Variants in SLC28A3 observed in about 807,000 individuals in gnomAD.
The protein encoded by SLC28A3 is solute carrier family 28 member 3.
In SLC28A3, 68 loss-of-function variants were observed where a neutral mutation model predicts 84.2. The ratio of observed to expected loss-of-function variants is 0.81; its 90% CI spans 0.66 to 0.99. The LOEUF (loss-of-function observed/expected upper bound fraction) is 0.99, where lower values mean the gene tolerates loss of function less well. SLC28A3 is among the 50% of genes least tolerant of loss of function. SLC28A3 has a pLI of 0.00. For missense variants in SLC28A3, 712 were observed against 841.5 expected (o/e 0.85, Z 1.90); for synonymous variants, 267 against 303.6 (o/e 0.88, Z 1.25).
chr9:84,363,003 C>T, the SLC28A3 span, among the ~76,000 whole-genome samples: 1 of 152,070 alleles, frequency 6.6e-6, no homozygotes, highest in African/African-American at 2.4e-5. Flanking sequence ...GTAATATGAA[C>T]ATGTTCGTGA....
chr9:84,348,440 G>T, the SLC28A3 span, among the ~76,000 whole-genome samples: 2 of 151,976 alleles, frequency 1.3e-5, no homozygotes, highest in Non-Finnish European at 2.9e-5. Flanking sequence ...CTGCAAGCTT[G>T]GGCTAGTTAC....
upstream of SLC28A3, among the ~76,000 whole-genome samples, chr9:84,343,231 C>T (rs1238872981): frequency 5.9e-5 from 9 of 152,082 alleles, no homozygotes; most frequent in East Asian, 1.9e-4. Flanking sequence ...AAATTGCCCC[C>T]GGGCACAGGG....
the SLC28A3 span, among the ~76,000 whole-genome samples, chr9:84,351,273 T>A: frequency 6.6e-6 from 1 of 152,218 alleles, no homozygotes; most frequent in Non-Finnish European, 1.5e-5. Context: ...CATTATAATC[T>A]TATGAGACTA....
intron 1 of SLC28A3, 146 bp downstream of exon 1, chr9:84,340,428 A>G (rs1827121149): frequency 1.2e-6 from 1 of 811,662 alleles, no homozygotes; most frequent in Non-Finnish European, 2.0e-6. Context: ...GAGCCCAAGA[A>G]GAAAAAATAA....
intron 1 of SLC28A3, among the ~76,000 whole-genome samples, chr9:84,339,678 C>A (rs1190572166): frequency 6.6e-6 from 1 of 152,204 alleles, no homozygotes; most frequent in Non-Finnish European, 1.5e-5. Context: ...TCCTCTCCTA[C>A]ACTTGTGACC....
chr9:84,359,084 CCTT>C, the SLC28A3 span, among the ~76,000 whole-genome samples: 1 of 152,040 alleles, frequency 6.6e-6, no homozygotes, highest in African/African-American at 2.4e-5. Context: ...AATGACAGCA[CCTT>C]CTGTTTCCAA....
At chr9:84,341,887 G>C (rs1347494955), upstream of SLC28A3, among the ~76,000 whole-genome samples, 2 of 152,120 alleles carry the variant, frequency 1.3e-5, 1 homozygote, top group Admixed American at 1.3e-4. Flanking sequence ...CCAGCACTTT[G>C]GGAGCCCAAG....
intron 1 of SLC28A3, among the ~76,000 whole-genome samples, chr9:84,339,103 A>G (rs1281397016): frequency 6.6e-6 from 1 of 151,762 alleles, no homozygotes; most frequent in Non-Finnish European, 1.5e-5. Context: ...CCCCCACTTT[A>G]TTGTCCCTAA....
Position 84,327,633 on chromosome 9 carries a change from C to A in SLC28A3, c.60+12941G>T, listed in dbSNP as rs1288944994. Among the ~76,000 whole-genome samples the A allele has an allele frequency of 2.0e-5, 3 of 152,018 alleles. No homozygotes were observed. The East Asian group carries it at 5.8e-4, about 29-fold the overall frequency. On this transcript the variant is annotated intron_variant, in intron 1 of 17. Coordinates refer to ENST00000376238, the MANE Select transcript of SLC28A3 (RefSeq NM_001199633.2). ...TCTATTTTGCATTTCCTTAGAAACT[C>A]CTCCCTGTCTTGGATGGGTGCGGTG...
At chr9:84,359,723 T>G in the SLC28A3 span, among the ~76,000 whole-genome samples, 1 of 151,954 alleles carries the variant, frequency 6.6e-6, no homozygotes, top group Non-Finnish European at 1.5e-5. Context: ...AAGACTAGAT[T>G]GGGTGGTGGC....
At chr9:84,307,082 C>T (rs774434534) in intron 3 of SLC28A3, among the ~76,000 whole-genome samples, 7 of 135,874 alleles carry the variant, frequency 5.2e-5, no homozygotes, top group Middle Eastern at 4.2e-3. Flanking sequence ...TGAGCCCGAG[C>T]GGTCAAGGCT....
At chr9:84,360,788 G>A in the SLC28A3 span, among the ~76,000 whole-genome samples, 6 of 151,928 alleles carry the variant, frequency 3.9e-5, no homozygotes, top group Non-Finnish European at 8.8e-5. Flanking sequence ...ATGGTGGTGC[G>A]CACCTGTAGT....
the SLC28A3 span, among the ~76,000 whole-genome samples, chr9:84,347,387 C>T: frequency 6.6e-6 from 1 of 152,060 alleles, no homozygotes; most frequent in African/African-American, 2.4e-5. Flanking sequence ...GATAAAGTGG[C>T]TTTTCTAGCA....
chr9:84,319,522 A>G (rs758917110), intron 1 of SLC28A3, among the ~76,000 whole-genome samples: 3 of 152,172 alleles, frequency 2.0e-5, no homozygotes, highest in Non-Finnish European at 4.4e-5. Flanking sequence ...ATAAAAACAT[A>G]AAAATTATTT....
chr9:84,334,494 G>A (rs1358461644), intron 1 of SLC28A3, among the ~76,000 whole-genome samples: 1 of 152,154 alleles, frequency 6.6e-6, no homozygotes, highest in East Asian at 1.9e-4. Flanking sequence ...GGGAAGGGAG[G>A]CAGCAGTGAT....
At chr9:84,348,014 A>T in the SLC28A3 span, among the ~76,000 whole-genome samples, 4 of 150,730 alleles carry the variant, frequency 2.7e-5, no homozygotes, top group African/African-American at 7.5e-5. Context: ...GAAGGTAAGT[A>T]AAGAGCCCAG....
intron 2 of SLC28A3, among the ~76,000 whole-genome samples, chr9:84,311,338 G>T (rs1475929578): frequency 6.6e-6 from 1 of 152,114 alleles, no homozygotes; most frequent in Non-Finnish European, 1.5e-5. Context: ...AAACTATAGA[G>T]ATTTTTCATG....
At position 84,285,496 on chromosome 9, in the gene SLC28A3, A is replaced by G. The variant is rs751121554; in HGVS notation, c.1496T>C (p.Val499Ala). The G allele has an allele frequency of 1.2e-6, 2 of 1,613,868 alleles. No individual in the cohort carries two copies. The highest frequency in any genetic ancestry group is 2.7e-5 in the African/African-American group (2 of 74,864). ...IFMPFSFMMG[V>A]EWQDSFMVAR... ...AACCATAAAGCTGTCCTGCCATTCC[A>G]CTCCCATCATGAAGGAAAAGGGCAT... Residue 499 changes from valine to alanine, a missense_variant, in exon 14 of 18, where the codon GTG (valine) becomes GCG (alanine). Transcript: ENST00000376238.
At position 84,285,454 on chromosome 9, in the gene SLC28A3, T is replaced by C. The variant is rs56350726; in HGVS notation, c.1538A>G (p.Tyr513Cys). 6 of 1,614,074 alleles carry C rather than the reference T, an allele frequency of 3.7e-6. No homozygotes were observed. The highest frequency in any genetic ancestry group is 2.2e-5 in the South Asian group (2 of 91,088). The stretch of plus-strand genomic sequence containing the variant: ...CACAAATTCATTGAAGAAGGTCTTA[T>C]AACCTATGAGTCTGGCAACCATAAA... Reference protein sequence around the residue: ...DSFMVARLIGYKTFFNEFVAY... With the variant: ...DSFMVARLIGCKTFFNEFVAY... Residue 513 changes from tyrosine (Y) to cysteine (C), a missense_variant, in exon 14 of 18, where the codon TAT (tyrosine) becomes TGT (cysteine). Tyr to Cys is a radical substitution (Grantham distance 194). Coordinates refer to ENST00000376238, the MANE Select transcript of SLC28A3 (RefSeq NM_001199633.2).
Sources: gnomAD v4.1 joint callset for allele counts (sites outside exome capture counted in the v4.1 genomes callset) on GRCh38, gnomAD v4.1.1 for gene constraint, MANE v1.5 for transcripts, NCBI Gene and HGNC (gene_info 2026-07-23, HGNC 2026-07-21) for gene names.